The following PDE1C variants were observed in gnomAD, a reference collection of about 807,000 sequenced individuals.
PDE1C encodes the protein dual specificity calcium/calmodulin-dependent 3',5'-cyclic nucleotide phosphodiesterase 1C.
A neutral mutation model predicts 93.1 loss-of-function variants in PDE1C; 62 were observed. The observed-to-expected ratio is 0.67, with a 90% CI of 0.54 to 0.82. PDE1C has a LOEUF of 0.82. Among genes scored for constraint, PDE1C ranks in the 40% least tolerant of loss-of-function variants. PDE1C has a pLI of 0.00. For missense variants in PDE1C, 742 were observed against 884.6 expected (o/e 0.84, Z 2.04); for synonymous variants, 325 against 310.1 (o/e 1.05, Z -0.50).
chr7:32,002,964 C>T (rs1299473317), intron 2 of PDE1C, among the ~76,000 whole-genome samples: 1 of 152,140 alleles, frequency 6.6e-6, no homozygotes, highest in African/African-American at 2.4e-5. Flanking sequence ...TTAGATAGTT[C>T]ACCACAAAAG....
chr7:32,098,001 C>T (rs549322573), intron 3 of PDE1C, among the ~76,000 whole-genome samples: 31 of 149,362 alleles, frequency 2.1e-4, no homozygotes, highest in African/African-American at 6.6e-4. Flanking sequence ...GAGGCCGAGG[C>T]GGGCGGATCA....
At chr7:32,420,124 T>TACAC (rs1156625491) in intron 1 of PDE1C, among the ~76,000 whole-genome samples, 144 of 13,086 alleles carry the variant, frequency 0.011, 16 homozygotes, top group South Asian at 0.016. Flanking sequence ...TATATATATA[T>TACAC]ACACACACAC....
chr7:31,907,070 GGTGTGTGT>G (rs55999814), intron 2 of PDE1C, among the ~76,000 whole-genome samples: 2 of 145,206 alleles, frequency 1.4e-5, no homozygotes, highest in South Asian at 2.2e-4. Flanking sequence ...TGATATGTGG[GGTGTGTGT>G]GTGTGTGTGT....
intron 1 of PDE1C, among the ~76,000 whole-genome samples, chr7:32,416,749 G>A (rs752413300): frequency 4.6e-5 from 7 of 152,056 alleles, no homozygotes; most frequent in Non-Finnish European, 8.8e-5. Flanking sequence ...ATGGGGGTCT[G>A]CACACATCCT....
upstream of PDE1C, among the ~76,000 whole-genome samples, chr7:32,073,732 T>C (rs1796192346): frequency 6.6e-6 from 1 of 152,230 alleles, no homozygotes; most frequent in Admixed American, 6.5e-5. Flanking sequence ...GATTGTGTTC[T>C]CTCTTCATCT....
intron 3 of PDE1C, among the ~76,000 whole-genome samples, chr7:32,112,216 C>T (rs55837952): frequency 0.2 from 30,769 of 152,076 alleles, 3,778 homozygotes; most frequent in Middle Eastern, 0.31. Flanking sequence ...CAGCCTTTGT[C>T]ACCTCCAAAA....
chr7:31,637,877 A>G, the PDE1C span, among the ~76,000 whole-genome samples: 1 of 152,146 alleles, frequency 6.6e-6, no homozygotes, highest in Admixed American at 6.6e-5. Context: ...TAGGTCTAAC[A>G]TGTAAGTCTT....
At chr7:31,934,056 T>C (rs187577441) in intron 2 of PDE1C, among the ~76,000 whole-genome samples, 1 of 152,300 alleles carries the variant, frequency 6.6e-6, no homozygotes, top group East Asian at 1.9e-4. Context: ...CACAATTATA[T>C]GAATTCAAGA....
intron 16 of PDE1C, among the ~76,000 whole-genome samples, chr7:31,807,412 C>CA (rs1340778917): frequency 4.6e-5 from 7 of 151,672 alleles, no homozygotes; most frequent in South Asian, 2.1e-4. Context: ...CCCCTCCCCC[C>CA]AAAAAAACCT....
chr7:31,622,860 G>C, the PDE1C span, among the ~76,000 whole-genome samples: 6 of 152,040 alleles, frequency 3.9e-5, no homozygotes, highest in Admixed American at 3.3e-4. Context: ...TAGACCGCTA[G>C]CAAGACTAAT....
rs186788119 is a variant in PDE1C, at chr7:32,016,152, A to C, written c.128+35402T>G. The stretch of plus-strand genomic sequence containing the variant: ...CTGTCCTGAGCTGCTACTTCTCAGC[A>C]TACTCCCTATGGGGTAGCCCTGCTC... On this transcript the variant is annotated intron_variant, in intron 2 of 17. Transcript: ENST00000396191. Among the ~76,000 whole-genome samples, 3 of 152,370 alleles carry C rather than the reference A, an allele frequency of 2.0e-5. No individual in the cohort carries two copies. The East Asian group carries it at 5.8e-4, about 29-fold the overall frequency.
intron 3 of PDE1C, among the ~76,000 whole-genome samples, chr7:32,120,007 G>A (rs981482975): frequency 4.6e-5 from 7 of 152,164 alleles, no homozygotes; most frequent in African/African-American, 1.7e-4. Flanking sequence ...GTCGGGGAAG[G>A]GCAGCATCCC....
chr7:31,880,210 CA>C (rs1797073717), intron 3 of PDE1C, among the ~76,000 whole-genome samples: 1 of 152,230 alleles, frequency 6.6e-6, no homozygotes, highest in East Asian at 1.9e-4. Flanking sequence ...TTATAACTTT[CA>C]AACGTATGTA....
At chr7:32,249,349 G>A (rs775574781) in intron 1 of PDE1C, among the ~76,000 whole-genome samples, 3 of 151,864 alleles carry the variant, frequency 2.0e-5, no homozygotes, top group Non-Finnish European at 2.9e-5. Flanking sequence ...AACGCAAGCA[G>A]AAGCATGCAT....
chr7:31,918,655 G>A (rs947486947), intron 2 of PDE1C, among the ~76,000 whole-genome samples: 1 of 152,168 alleles, frequency 6.6e-6, no homozygotes, highest in African/African-American at 2.4e-5. Flanking sequence ...AGTCTGCTAA[G>A]TCAGTTACTA....
intron 1 of PDE1C, among the ~76,000 whole-genome samples, chr7:32,412,602 C>T (rs1303722150): frequency 6.6e-6 from 1 of 152,152 alleles, no homozygotes; most frequent in Non-Finnish European, 1.5e-5. Context: ...AGCATCACCA[C>T]AAACACGTGA....
chr7:31,704,963 T>C, the PDE1C span, among the ~76,000 whole-genome samples: 1 of 152,178 alleles, frequency 6.6e-6, no homozygotes, highest in Non-Finnish European at 1.5e-5. Flanking sequence ...ATGTAGATAC[T>C]CCTGACTTAA....
intron 9 of PDE1C, among the ~76,000 whole-genome samples, chr7:31,839,354 A>C (rs1404578637): frequency 7.0e-6 from 1 of 142,340 alleles, no homozygotes; most frequent in Non-Finnish European, 1.5e-5. Flanking sequence ...ACACACATAC[A>C]TACGCATTAT....
chr7:31,933,337 G>A (rs562068102), intron 2 of PDE1C, among the ~76,000 whole-genome samples: 1 of 151,998 alleles, frequency 6.6e-6, no homozygotes, highest in Non-Finnish European at 1.5e-5. Flanking sequence ...AACATGACCA[G>A]GGTAAACACC....
Sources: allele counts gnomAD v4.1 joint callset (sites outside exome capture counted in the v4.1 genomes callset), GRCh38; gene constraint gnomAD v4.1.1; transcripts MANE v1.5; gene names NCBI Gene and HGNC (gene_info 2026-07-23, HGNC 2026-07-21).